HPCAL1: variants seen among roughly 807,000 people sequenced by gnomAD.
HPCAL1 encodes the protein hippocalcin like 1.
In HPCAL1, 8 loss-of-function variants were observed where a neutral mutation model predicts 17.1. The observed-to-expected ratio is 0.47, with a 90% CI of 0.27 to 0.84. The LOEUF is 0.84. Among genes scored for constraint, HPCAL1 ranks in the 40% least tolerant of loss-of-function variants. HPCAL1 has a pLI of 0.13. For synonymous variants in HPCAL1, 112 were observed against 111.4 expected, an observed-to-expected ratio of 1.01 and a Z score of -0.03; for missense variants, 165 against 271.1, an observed-to-expected ratio of 0.61 and a Z score of 2.75.
intron 2 of HPCAL1, among the ~76,000 whole-genome samples, chr2:10,413,038 G>A (rs1670453052): frequency 6.6e-6 from 1 of 152,208 alleles, no homozygotes; most frequent in Non-Finnish European, 1.5e-5. Flanking sequence ...TGCTAGACCT[G>A]GAACCTTAGG....
chr2:10,336,034 C>CGT (rs1664696676), intron 1 of HPCAL1, among the ~76,000 whole-genome samples: 13 of 151,638 alleles, frequency 8.6e-5, no homozygotes, highest in Non-Finnish European at 1.3e-4. Context: ...ATTGCATGTT[C>CGT]ATATCCTCTG....
chr2:10,308,965 G>T (rs1662791178), intron 1 of HPCAL1, among the ~76,000 whole-genome samples: 1 of 152,142 alleles, frequency 6.6e-6, no homozygotes, highest in Non-Finnish European at 1.5e-5. Flanking sequence ...CTACTAGGGG[G>T]TGCTGAGGTG....
chr2:10,371,454 T>C (rs931394719), intron 1 of HPCAL1, among the ~76,000 whole-genome samples: 1 of 151,908 alleles, frequency 6.6e-6, no homozygotes, highest in African/African-American at 2.4e-5. Flanking sequence ...GGTCTCTGAC[T>C]GGATAGCCCC....
At chr2:10,338,386 G>A (rs1664851401) in intron 1 of HPCAL1, among the ~76,000 whole-genome samples, 1 of 152,178 alleles carries the variant, frequency 6.6e-6, no homozygotes, top group South Asian at 2.1e-4. Context: ...CTTTGGATCA[G>A]TGCGGCCTGG....
rs897953209 is a variant in HPCAL1 at position 10,346,393 on chromosome 2, G to C, written c.-111+43216G>C. On this transcript the variant is annotated intron_variant, in intron 1 of 4. Coordinates refer to ENST00000307845, the MANE Select transcript of HPCAL1 (RefSeq NM_002149.4). ...CACGTGCCTCATTCAGGGCTTGGCT[G>C]TGGAGTCTTGGGGGAGGTGCTCCCT... Among the ~76,000 whole-genome samples the C allele has an allele frequency of 2.0e-5, 3 of 152,232 alleles. No individual in the cohort carries two copies. In the East Asian group the frequency reaches 5.8e-4, roughly 29 times the overall value.
chr2:10,309,890 T>C (rs954494369), intron 1 of HPCAL1, among the ~76,000 whole-genome samples: 5 of 152,202 alleles, frequency 3.3e-5, no homozygotes, highest in Admixed American at 2.6e-4. Context: ...TTCTCTCCCA[T>C]GGTTGTAGAG....
At chr2:10,351,996 G>A (rs185852774) in intron 1 of HPCAL1, among the ~76,000 whole-genome samples, 180 of 150,634 alleles carry the variant, frequency 1.2e-3, no homozygotes, top group African/African-American at 4.3e-3. Context: ...TCCACCTCCT[G>A]GGTTCAAGAG....
intron 3 of HPCAL1, among the ~76,000 whole-genome samples, chr2:10,421,191 GA>G (rs1207168011): frequency 6.6e-6 from 1 of 152,240 alleles, no homozygotes; most frequent in African/African-American, 2.4e-5. Context: ...AAGTAAAACT[GA>G]AGCATTAACG....
In HPCAL1 at chr2:10,343,974, G is replaced by A. The variant is rs1233609599; in HGVS notation, c.-111+40797G>A. ...TGGGATATAGAGAACGCTGGCTTCA[G>A]ACCCGGCAGGAGTACCGGCGGCTGT... On this transcript the variant is annotated intron_variant, in intron 1 of 4. Coordinates refer to ENST00000307845, the MANE Select transcript of HPCAL1 (RefSeq NM_002149.4). This position sits in a 1 kb window ranked among gnomAD's most constrained non-coding sequence, Gnocchi z 4.8. Among the ~76,000 whole-genome samples, 1 of 152,202 alleles carries A rather than the reference G, an allele frequency of 6.6e-6. No homozygotes were observed. The highest frequency in any genetic ancestry group is 1.5e-5 in the Non-Finnish European group (1 of 68,040).
At chr2:10,361,841 T>C (rs6432092) in intron 1 of HPCAL1, among the ~76,000 whole-genome samples, 113,695 of 151,700 alleles carry the variant, frequency 0.75, 42,927 homozygotes, top group East Asian at 0.99. Context: ...TTCGGCTTCC[T>C]GAGTAGCTGG....
intron 1 of HPCAL1, among the ~76,000 whole-genome samples, chr2:10,357,552 T>A (rs1253681585): frequency 2.0e-5 from 3 of 152,172 alleles, no homozygotes; most frequent in Non-Finnish European, 4.4e-5. Context: ...TGACAGCGTT[T>A]CCTCCGCGGA....
At position 10,359,011 on chromosome 2, in the gene HPCAL1, G is replaced by GCCCGTCTGCATGCTCCCCTCGAGGTTTGA. The variant is rs1666359482; in HGVS notation, c.-110-37805_-110-37804insCGAGGTTTGACCCGTCTGCATGCTCCCCT. On this transcript the variant is annotated intron_variant, in intron 1 of 4. Transcript: ENST00000307845. This position sits in a 1 kb window ranked among gnomAD's most constrained non-coding sequence, Gnocchi z 4.1. ...CCATGGGGTTGGAGCCCCACAGCCTGCCCGTCTGCATGCTCCCCTTGAGGT... is the reference window on the plus strand; with the variant it reads ...CCATGGGGTTGGAGCCCCACAGCCTGCCCGTCTGCATGCTCCCCTCGAGGTTTGACCCGTCTGCATGCTCCCCTTGAGGT... Among the ~76,000 whole-genome samples, 1 of 148,532 alleles carries GCCCGTCTGCATGCTCCCCTCGAGGTTTGA rather than the reference G, an allele frequency of 6.7e-6. No individual in the cohort carries two copies. The highest frequency in any genetic ancestry group is 2.6e-5 in the African/African-American group (1 of 39,074).
At chr2:10,422,210 C>T (rs1008998313) in intron 3 of HPCAL1, among the ~76,000 whole-genome samples, 2 of 152,202 alleles carry the variant, frequency 1.3e-5, no homozygotes, top group African/African-American at 4.8e-5. Context: ...TGGTGTTTCT[C>T]ATGGGACACT....
chr2:10,320,163 C>T (rs1663579918), intron 1 of HPCAL1, among the ~76,000 whole-genome samples: 1 of 152,150 alleles, frequency 6.6e-6, no homozygotes, highest in Admixed American at 6.5e-5. Context: ...TGTGGCCTGG[C>T]TGTCTGCAGG....
At chr2:10,414,316 C>T (rs976113675) in intron 2 of HPCAL1, among the ~76,000 whole-genome samples, 1 of 152,214 alleles carries the variant, frequency 6.6e-6, no homozygotes, top group African/African-American at 2.4e-5. Context: ...AGACTGGGCA[C>T]TTAAACTACA....
rs13392890 is a variant in HPCAL1, at chr2:10,377,182, C to T, written c.-110-19653C>T. Among the ~76,000 whole-genome samples the T allele has an allele frequency of 0.14, 21,832 of 152,146 alleles. 2,452 individuals carry two copies. Among genetic ancestry groups the T allele is most frequent in the East Asian group, 0.48 (2,489 of 5,154 alleles). On this transcript the variant is annotated intron_variant, in intron 1 of 4. Coordinates refer to ENST00000307845, the MANE Select transcript of HPCAL1 (RefSeq NM_002149.4). The surrounding 1 kb of genome is among the most constrained non-coding windows in gnomAD (Gnocchi z 5.9). ...ATCCTGCTGTTCAATAGTGAGGCTG[C>T]ATCCTTCTAGAAAGCGCTGTTGAGA...
At chr2:10,423,761 G>A (rs891972853) in intron 4 of HPCAL1, 2 of 152,742 alleles carry the variant, frequency 1.3e-5, no homozygotes, top group Non-Finnish European at 2.9e-5. Context: ...CACCAGGTTT[G>A]CTTTGCTTTT....
chr2:10,370,707 G>C (rs1027688112), intron 1 of HPCAL1, among the ~76,000 whole-genome samples: 2 of 152,212 alleles, frequency 1.3e-5, no homozygotes, highest in Non-Finnish European at 2.9e-5. Context: ...GGTGTGTTTT[G>C]GAGCCACCCA....
chr2:10,335,808 C>T (rs544299472), intron 1 of HPCAL1, among the ~76,000 whole-genome samples: 3 of 152,332 alleles, frequency 2.0e-5, no homozygotes, highest in African/African-American at 7.2e-5. Context: ...AACATCTGAA[C>T]ACTCTGATGG....
Sources: gnomAD v4.1 joint callset for allele counts (sites outside exome capture counted in the v4.1 genomes callset) on GRCh38, gnomAD v4.1.1 for gene constraint, Gnocchi (gnomAD v3.1) non-coding constraint, MANE v1.5 for transcripts, NCBI Gene and HGNC (gene_info 2026-07-23, HGNC 2026-07-21) for gene names.